The following FRMD6 variants were observed in gnomAD, a reference collection of about 807,000 sequenced individuals.
The protein encoded by FRMD6 is FERM domain-containing protein 6.
A neutral mutation model predicts 73.2 loss-of-function variants in FRMD6; 37 were observed. The observed-to-expected ratio is 0.51, with a 90% CI of 0.39 to 0.66. The LOEUF is 0.66. FRMD6 is among the 30% of genes least tolerant of loss of function. FRMD6 has a pLI of 0.00. For missense variants in FRMD6, 714 were observed against 780.5 expected (o/e 0.91, Z 1.02); for synonymous variants, 273 against 282.2 (o/e 0.97, Z 0.33).
intron 1 of FRMD6, among the ~76,000 whole-genome samples, chr14:51,558,566 T>C (rs964108251): frequency 6.6e-6 from 1 of 152,106 alleles, no homozygotes; most frequent in Non-Finnish European, 1.5e-5. Context: ...AGCTAAAAAT[T>C]TTAGCCATTT....
intron 1 of FRMD6, among the ~76,000 whole-genome samples, chr14:51,665,254 T>C (rs912760693): frequency 6.6e-6 from 1 of 152,204 alleles, no homozygotes; most frequent in Non-Finnish European, 1.5e-5. Flanking sequence ...ATACGGGGTG[T>C]GTGCTCTGTA....
the FRMD6 span, chr14:51,436,278 C>A: frequency 2.8e-6 from 1 of 362,956 alleles, no homozygotes; most frequent in South Asian, 3.1e-5. Flanking sequence ...ATAATTTTCT[C>A]AGAAGAGGTC....
rs201896576 is a variant in FRMD6 at position 51,590,731 on chromosome 14, CT to C, written c.-147+20322del. Among the ~76,000 whole-genome samples the C allele has an allele frequency of 7.2e-3, 1,099 of 152,338 alleles. 14 individuals carry two copies. The highest frequency in any genetic ancestry group is 0.025 in the African/African-American group (1,033 of 41,574). On this transcript the variant is annotated intron_variant, in intron 2 of 14. Transcript: ENST00000356218. ...TAAAATCCTGGTGGCTGTATATTTA[CT>C]CCTCAAGGAAAATGGAGATGTCTCC...
At chr14:51,630,016 A>G (rs936123816) in intron 2 of FRMD6, among the ~76,000 whole-genome samples, 24 of 152,180 alleles carry the variant, frequency 1.6e-4, no homozygotes, top group Admixed American at 1.4e-3. Context: ...TCCTGAGCTC[A>G]AACTTCTCCT....
intron 6 of FRMD6, among the ~76,000 whole-genome samples, chr14:51,706,911 A>T (rs577893231): frequency 2.6e-5 from 4 of 152,240 alleles, no homozygotes; most frequent in South Asian, 4.1e-4. Context: ...GAGAGAAATC[A>T]CAATGTCTGT....
intron 8 of FRMD6, 32 bp downstream of exon 8, chr14:51,711,628 C>T: frequency 1.4e-6 from 2 of 1,475,102 alleles, no homozygotes; most frequent in Non-Finnish European, 1.9e-6. Flanking sequence ...CAAATGCTGT[C>T]AGCCATGTCT....
chr14:51,674,502 C>G (rs1442463676), intron 1 of FRMD6, among the ~76,000 whole-genome samples: 3 of 152,112 alleles, frequency 2.0e-5, no homozygotes, highest in African/African-American at 7.2e-5. Flanking sequence ...ATGTGTCAGT[C>G]TCAGTACTTC....
At chr14:51,707,781 T>C (rs1268837028) in intron 6 of FRMD6, among the ~76,000 whole-genome samples, 7 of 152,156 alleles carry the variant, frequency 4.6e-5, no homozygotes, top group African/African-American at 1.7e-4. Flanking sequence ...TTATGAAAGT[T>C]TGTGTAGTGT....
the FRMD6 span, among the ~76,000 whole-genome samples, chr14:51,437,463 C>T: frequency 7.9e-5 from 12 of 152,284 alleles, no homozygotes; most frequent in South Asian, 1.5e-3. Flanking sequence ...CCACCACACC[C>T]GGCTAATTTT....
intron 2 of FRMD6, among the ~76,000 whole-genome samples, chr14:51,607,988 T>C (rs1286997734): frequency 6.6e-6 from 1 of 152,182 alleles, no homozygotes; most frequent in East Asian, 1.9e-4. Context: ...CTGTAATTAT[T>C]TGAGGCTCTG....
At chr14:51,706,521 T>C (rs72675836) in intron 6 of FRMD6, among the ~76,000 whole-genome samples, 5 of 152,174 alleles carry the variant, frequency 3.3e-5, no homozygotes, top group Admixed American at 2.6e-4. Context: ...CCTTGAACTT[T>C]AGGCTCTGGC....
chr14:51,447,991 C>T, the FRMD6 span, among the ~76,000 whole-genome samples: 24 of 152,182 alleles, frequency 1.6e-4, no homozygotes, highest in Admixed American at 1.6e-3. Flanking sequence ...CACAGAGAAG[C>T]TTGTATTGTT....
intron 2 of FRMD6, among the ~76,000 whole-genome samples, chr14:51,645,461 T>C (rs1892021541): frequency 6.6e-6 from 1 of 152,024 alleles, no homozygotes; most frequent in Admixed American, 6.6e-5. Flanking sequence ...GACAGTGTCT[T>C]ACTCTGTCAC....
chr14:51,582,862 T>A (rs1888806590), intron 2 of FRMD6, among the ~76,000 whole-genome samples: 1 of 152,186 alleles, frequency 6.6e-6, no homozygotes, highest in Admixed American at 6.6e-5. Flanking sequence ...AGTGAGAAGG[T>A]TCAAGGCAAA....
chr14:51,517,925 C>T (rs1884725362), intron 1 of FRMD6, among the ~76,000 whole-genome samples: 1 of 152,186 alleles, frequency 6.6e-6, no homozygotes, highest in African/African-American at 2.4e-5. Context: ...TGACAAGCCT[C>T]ATTGTCCCTC....
intron 1 of FRMD6, among the ~76,000 whole-genome samples, chr14:51,674,927 A>G (rs12147007): frequency 0.06 from 9,172 of 152,196 alleles, 357 homozygotes; most frequent in African/African-American, 0.11. Flanking sequence ...GAGACCAGAG[A>G]GGTTCACTGT....
At chr14:51,640,564 C>T (rs1043649735) in intron 2 of FRMD6, among the ~76,000 whole-genome samples, 3 of 152,164 alleles carry the variant, frequency 2.0e-5, no homozygotes, top group Non-Finnish European at 2.9e-5. Context: ...GAAAAAGGTG[C>T]TTAATGATCC....
chr14:51,585,869 T>G (rs1888998201), intron 2 of FRMD6, among the ~76,000 whole-genome samples: 1 of 148,692 alleles, frequency 6.7e-6, no homozygotes, highest in Admixed American at 6.8e-5. Context: ...TCCATCCATG[T>G]TGCTGCAAAA....
intron 1 of FRMD6, among the ~76,000 whole-genome samples, chr14:51,546,178 T>C (rs1010150388): frequency 6.6e-6 from 1 of 152,150 alleles, no homozygotes; most frequent in Admixed American, 6.5e-5. Flanking sequence ...AAGGGAATTA[T>C]TGGTTCTTGT....
Sources: allele counts gnomAD v4.1 joint callset (sites outside exome capture counted in the v4.1 genomes callset), GRCh38; gene constraint gnomAD v4.1.1; transcripts MANE v1.5; gene names NCBI Gene and HGNC (gene_info 2026-07-23, HGNC 2026-07-21).